Variants in SNAP91 observed in about 807,000 individuals in gnomAD.
SNAP91 encodes the protein clathrin coat assembly protein AP180.
In SNAP91, 27 loss-of-function variants were observed where a neutral mutation model predicts 100.3. The ratio of observed to expected loss-of-function variants is 0.27; its 90% confidence interval spans 0.20 to 0.37. The LOEUF is 0.37. Ranked by LOEUF, SNAP91 falls within the 10% of genes least tolerant of loss-of-function variation. The pLI is 1.00. For missense variants in SNAP91, 986 were observed against 1,123.7 expected, an observed-to-expected ratio of 0.88 and a Z score of 1.75; for synonymous variants, 404 against 398.6, an observed-to-expected ratio of 1.01 and a Z score of -0.16.
At chr6:83,603,521 G>GT (rs2095416515) in intron 14 of SNAP91, among the ~76,000 whole-genome samples, 1 of 151,348 alleles carries the variant, frequency 6.6e-6, no homozygotes, top group South Asian at 2.1e-4. Context: ...ACTGCACTCA[G>GT]TTTTTTTAAT....
chr6:83,634,970 G>C (rs217331), intron 8 of SNAP91, among the ~76,000 whole-genome samples: 55,758 of 152,000 alleles, frequency 0.37, 11,025 homozygotes, highest in South Asian at 0.5. Context: ...TCTTGGTATT[G>C]ATTTCTATTT....
intron 11 of SNAP91, 47 bp downstream of exon 11, chr6:83,614,810 T>G: frequency 6.8e-7 from 1 of 1,475,272 alleles, no homozygotes; most frequent in Non-Finnish European, 9.2e-7. Context: ...TTTTTTGCAT[T>G]TTTAGTAATT....
At chr6:83,662,755 A>AAAGG (rs1562560591) in intron 3 of SNAP91, among the ~76,000 whole-genome samples, 6 of 152,092 alleles carry the variant, frequency 3.9e-5, no homozygotes, top group Non-Finnish European at 8.8e-5. Context: ...AGATTCAAAG[A>AAAGG]AATCTTTCCT....
At chr6:83,691,359 T>C (rs938195022) in intron 2 of SNAP91, among the ~76,000 whole-genome samples, 3 of 152,160 alleles carry the variant, frequency 2.0e-5, no homozygotes, top group Non-Finnish European at 1.5e-5. Flanking sequence ...CCTTATTTAC[T>C]AACTAAATTC....
chr6:83,676,206 T>G (rs951654974), intron 2 of SNAP91, among the ~76,000 whole-genome samples: 20 of 152,160 alleles, frequency 1.3e-4, no homozygotes, highest in Admixed American at 1.2e-3. Context: ...CAGGCACTGT[T>G]CTATCTATCA....
chr6:83,675,446 C>T (rs1384391671), intron 2 of SNAP91, among the ~76,000 whole-genome samples: 3 of 151,954 alleles, frequency 2.0e-5, no homozygotes, highest in Non-Finnish European at 4.4e-5. Flanking sequence ...TTAACGTAAT[C>T]TAGTTTCTAA....
chr6:83,586,066 T>G (rs2092541665), intron 22 of SNAP91, among the ~76,000 whole-genome samples: 1 of 152,090 alleles, frequency 6.6e-6, no homozygotes, highest in Non-Finnish European at 1.5e-5. Context: ...GCCAGGATGG[T>G]CTCGATCTCC....
intron 6 of SNAP91, among the ~76,000 whole-genome samples, chr6:83,657,204 A>G (rs1013376553): frequency 2.0e-5 from 3 of 152,058 alleles, no homozygotes; most frequent in African/African-American, 7.2e-5. Context: ...CACTTCTCCT[A>G]TCTAATAGTT....
At chr6:83,582,198 A>C in intron 23 of SNAP91, 24 bp downstream of exon 23, 2 of 1,611,358 alleles carry the variant, frequency 1.2e-6, no homozygotes, top group Non-Finnish European at 1.7e-6. Context: ...ACATGAAAAG[A>C]ATGTTTGAAA....
chr6:83,690,339 TG>T, intron 2 of SNAP91: 1 of 1,277,176 alleles, frequency 7.8e-7, no homozygotes, highest in Non-Finnish European at 1.0e-6. Context: ...AAAAGACTTG[TG>T]ATCTCCTCAT....
intron 16 of SNAP91, among the ~76,000 whole-genome samples, chr6:83,601,053 TG>T (rs2095149601): frequency 6.6e-6 from 1 of 152,164 alleles, no homozygotes; most frequent in African/African-American, 2.4e-5. Context: ...GAAAATCAAA[TG>T]GGCCTGATGC....
intron 18 of SNAP91, 34 bp from the exon 19 acceptor site, chr6:83,593,293 T>C: frequency 2.6e-6 from 4 of 1,562,090 alleles, no homozygotes; most frequent in Non-Finnish European, 3.5e-6. Context: ...TTTACTCAAC[T>C]TGAACAATAA....
intron 2 of SNAP91, among the ~76,000 whole-genome samples, chr6:83,694,721 A>G (rs2129011034): frequency 6.6e-6 from 1 of 152,272 alleles, no homozygotes; most frequent in African/African-American, 2.4e-5. Context: ...AACAAGCGAA[A>G]CAGGGGGTGG....
rs1317681716 is a variant in SNAP91, at chr6:83,659,374, A to AT, written c.453-283dup. The stretch of plus-strand genomic sequence containing the variant: ...AGAGGCAAGCTGAATTTATGAATGG[A>AT]TTTTTCTAAATCTATAATAAAGGTA... On this transcript the variant is annotated intron_variant, in intron 5 of 29. Transcript: ENST00000369694. 2.7e-5 allele frequency among the ~76,000 whole-genome samples: 4 copies of AT among 149,602 alleles called. No individual in the cohort carries two copies. In the East Asian group the frequency reaches 7.9e-4, roughly 29 times the overall value.
In SNAP91 at chr6:83,603,656, A is replaced by C. The variant is rs545923626; in HGVS notation, c.1141+2029T>G. Among the ~76,000 whole-genome samples, 28 of 152,166 alleles carry C rather than the reference A, an allele frequency of 1.8e-4. No individual in the cohort carries two copies. The South Asian group carries it at 5.8e-3, about 32-fold the overall frequency. Reference sequence around the variant, plus strand: ...CTTAAAAAGAAGAAAAAAAAAAGGTACTCCCTGTAGTGAGACAGATTAGAA... The same window carrying C: ...CTTAAAAAGAAGAAAAAAAAAAGGTCCTCCCTGTAGTGAGACAGATTAGAA... On this transcript the variant is annotated intron_variant, in intron 14 of 29. Coordinates refer to ENST00000369694, the MANE Select transcript of SNAP91 (RefSeq NM_001242792.2).
At chr6:83,605,166 AG>A (rs2095531103) in intron 14 of SNAP91, among the ~76,000 whole-genome samples, 2 of 149,508 alleles carry the variant, frequency 1.3e-5, no homozygotes, top group Non-Finnish European at 3.0e-5. Context: ...ATCAGTTTAA[AG>A]TATGGATTTT....
rs142687367 is a variant in SNAP91, at chr6:83,684,228, G to GA, written c.131-18648dup. On this transcript the variant is annotated intron_variant, in intron 2 of 29. Transcript: ENST00000369694. Reference sequence around the variant, plus strand: ...TGGACTGGCATTAAATACCATCATTGAAAAAATTAAGAAAATATTCACTCA... The same window carrying GA: ...TGGACTGGCATTAAATACCATCATTGAAAAAAATTAAGAAAATATTCACTCA... Among the ~76,000 whole-genome samples, 968 of 152,186 alleles carry GA rather than the reference G, an allele frequency of 6.4e-3. 10 individuals carry two copies. The highest frequency in any genetic ancestry group is 0.022 in the African/African-American group (929 of 41,532).
chr6:83,568,106 CAAT>C (rs1799747210), intron 26 of SNAP91, among the ~76,000 whole-genome samples: 1 of 151,836 alleles, frequency 6.6e-6, no homozygotes, highest in Non-Finnish European at 1.5e-5. Context: ...AAATGTCCAA[CAAT>C]GATAGACTGG....
At chr6:83,629,321 C>T (rs1312956134) in intron 8 of SNAP91, among the ~76,000 whole-genome samples, 1 of 151,988 alleles carries the variant, frequency 6.6e-6, no homozygotes, top group Non-Finnish European at 1.5e-5. Context: ...GTTCTTTTTG[C>T]TTAGTCTTGC....
Sources: gnomAD v4.1 joint callset for allele counts (sites outside exome capture counted in the v4.1 genomes callset) on GRCh38, gnomAD v4.1.1 for gene constraint, MANE v1.5 for transcripts, NCBI Gene and HGNC (gene_info 2026-07-23, HGNC 2026-07-21) for gene names.